Variants in MAP3K15 observed in about 807,000 individuals in gnomAD.
The protein encoded by MAP3K15 is MAPK/ERK kinase kinase 15.
In MAP3K15, 124 loss-of-function variants were observed where a neutral mutation model predicts 99.5. The ratio of observed to expected loss-of-function variants is 1.25; its 90% CI spans 1.08 to 1.45. The LOEUF is 1.45. Ranked by LOEUF, MAP3K15 falls within the 40% of genes most tolerant of loss-of-function variation. MAP3K15 has a pLI of 0.00. For missense variants in MAP3K15, 1,242 were observed against 1,079.7 expected (o/e 1.15, Z -2.11); for synonymous variants, 494 against 439.6 (o/e 1.12, Z -1.55).
intron 1 of MAP3K15, among the ~76,000 whole-genome samples, chrX:19,491,923 C>G (rs763972053): frequency 1.8e-5 from 2 of 108,496 alleles, no homozygotes; most frequent in Non-Finnish European, 3.8e-5. Flanking sequence ...TGACCTCAAG[C>G]GATCCGCCCA....
chrX:19,448,536 CT>C (rs2064017682), intron 6 of MAP3K15, among the ~76,000 whole-genome samples: 1 of 107,605 alleles, frequency 9.3e-6, no homozygotes, highest in Admixed American at 9.8e-5. Flanking sequence ...GAAAAAATAC[CT>C]TAAACCACTG....
intron 28 of MAP3K15, chrX:19,361,105 C>T (rs2063280326): frequency 2.4e-6 from 1 of 421,622 alleles, no homozygotes; most frequent in Non-Finnish European, 4.1e-6. Context: ...TGTGCCTCCA[C>T]CCACTCCCAG....
chrX:19,436,962 A>G (rs1301144235), intron 6 of MAP3K15, among the ~76,000 whole-genome samples: 1 of 111,733 alleles, frequency 8.9e-6, no homozygotes, highest in East Asian at 2.8e-4. Flanking sequence ...ACAAGTGTGC[A>G]CCACCATGGC....
chrX:19,490,605 C>T (rs1009521384), intron 1 of MAP3K15, among the ~76,000 whole-genome samples: 4 of 109,529 alleles, frequency 3.7e-5, no homozygotes, highest in South Asian at 4.0e-4. Context: ...AAAAATTAGC[C>T]GGGTGTGGTG....
intron 8 of MAP3K15, 127 bp from the exon 9 acceptor site, chrX:19,425,817 T>G: frequency 1.5e-6 from 1 of 679,611 alleles, no homozygotes; most frequent in East Asian, 3.6e-5. Context: ...GATTGTTCCT[T>G]TTGAAATATA....
At chrX:19,389,438 G>A (rs897230980) in intron 18 of MAP3K15, among the ~76,000 whole-genome samples, 1 of 111,082 alleles carries the variant, frequency 9.0e-6, no homozygotes, top group African/African-American at 3.3e-5. Flanking sequence ...GAAGTTGACT[G>A]AAACCCTCTG....
At chrX:19,397,001 G>A (rs2063572286) in intron 15 of MAP3K15, among the ~76,000 whole-genome samples, 1 of 108,965 alleles carries the variant, frequency 9.2e-6, no homozygotes, top group East Asian at 2.9e-4. Context: ...CGGGGTTCAA[G>A]CGATTCTCGT....
intron 6 of MAP3K15, among the ~76,000 whole-genome samples, chrX:19,456,500 G>A (rs1328348675): frequency 8.9e-6 from 1 of 112,262 alleles, no homozygotes; most frequent in Non-Finnish European, 1.9e-5. Flanking sequence ...GAGCACAAGG[G>A]AACTTCTGGG....
At chrX:19,460,258 G>A (rs1226072314) in intron 4 of MAP3K15, 105 bp from the exon 5 acceptor site, 17 of 517,727 alleles carry the variant, frequency 3.3e-5, no homozygotes, top group Non-Finnish European at 4.9e-5. Context: ...TAACACATAG[G>A]GACCTCGGCC....
At chrX:19,400,532 C>T (rs1225336257) in intron 14 of MAP3K15, 44 bp downstream of exon 14, 4 of 971,729 alleles carry the variant, frequency 4.1e-6, no homozygotes, top group Non-Finnish European at 5.8e-6. Context: ...AAGCATCGAA[C>T]ACACAATCAA....
At chrX:19,445,215 C>A (rs1344535028) in intron 6 of MAP3K15, among the ~76,000 whole-genome samples, 5 of 110,479 alleles carry the variant, frequency 4.5e-5, no homozygotes, top group Non-Finnish European at 7.6e-5. Context: ...CTATCTGCCC[C>A]CAAATTCGTA....
intron 20 of MAP3K15, 116 bp downstream of exon 20, chrX:19,374,361 C>T (rs2063402412): frequency 8.7e-6 from 6 of 687,605 alleles, no homozygotes; most frequent in South Asian, 6.0e-5. Flanking sequence ...ATGGGAATGA[C>T]GTGAGCAGCC....
chrX:19,416,525 G>A (rs2063736682), intron 9 of MAP3K15, among the ~76,000 whole-genome samples: 1 of 111,667 alleles, frequency 9.0e-6, no homozygotes, highest in Non-Finnish European at 1.9e-5. Flanking sequence ...AGTGCCACTA[G>A]TGATACTGGA....
At chrX:19,400,712 A>C in intron 13 of MAP3K15, 49 bp from the exon 14 acceptor site, 2 of 872,563 alleles carry the variant, frequency 2.3e-6, no homozygotes, top group Non-Finnish European at 3.3e-6. Flanking sequence ...AACTGCTCTC[A>C]TTCCTTGTTT....
intron 1 of MAP3K15, among the ~76,000 whole-genome samples, chrX:19,491,788 A>G (rs1385150480): frequency 9.1e-6 from 1 of 109,807 alleles, no homozygotes; most frequent in Non-Finnish European, 1.9e-5. Flanking sequence ...GGCTCAAGCT[A>G]TTCTTGTGCC....
chrX:19,426,570 T>C (rs1231626582), intron 7 of MAP3K15, among the ~76,000 whole-genome samples: 1 of 110,547 alleles, frequency 9.0e-6, no homozygotes, highest in Non-Finnish European at 1.9e-5. Flanking sequence ...ATCCCAGCAC[T>C]TTGGGAGGCC....
chrX:19,372,712 T>C lies in MAP3K15; in HGVS notation c.3049A>G (p.Lys1017Glu), dbSNP rs765300512. 1 of 1,211,580 alleles carries C rather than the reference T, an allele frequency of 8.3e-7. No individual in the cohort carries two copies. The highest frequency in any genetic ancestry group is 2.2e-5 in the Admixed American group (1 of 46,051). Reference protein sequence around the residue: ...KDSERRAILYKILWEEQNQVA... With the variant: ...KDSERRAILYEILWEEQNQVA... ...TGGTTCTGCTCCTCCCAGAGGATTT[T>C]GTACAGGATGGCACGGCGCTCACTG... Residue 1017 changes from lysine (K) to glutamate (E), a missense_variant, in exon 22 of 29, where the codon AAA (lysine) becomes GAA (glutamate). Transcript: ENST00000338883.
chrX:19,387,888 GC>G (rs2063502915), intron 18 of MAP3K15, among the ~76,000 whole-genome samples: 1 of 112,664 alleles, frequency 8.9e-6, no homozygotes, highest in South Asian at 3.7e-4. Flanking sequence ...CAAAGGACAG[GC>G]CCCTGCCCAC....
At chrX:19,413,139 C>CAT in intron 11 of MAP3K15, among the ~76,000 whole-genome samples, 1 of 109,146 alleles carries the variant, frequency 9.2e-6, no homozygotes, top group East Asian at 2.9e-4. Flanking sequence ...CACACACACA[C>CAT]ACACTCCCCC....
Sources: gnomAD v4.1 joint callset for allele counts (sites outside exome capture counted in the v4.1 genomes callset) on GRCh38, gnomAD v4.1.1 for gene constraint, MANE v1.5 for transcripts, NCBI Gene and HGNC (gene_info 2026-07-23, HGNC 2026-07-21) for gene names.